Variants in ZNF93 observed in about 807,000 individuals in gnomAD.
ZNF93 encodes the protein zinc finger protein 505.
A neutral mutation model predicts 45.0 loss-of-function variants in ZNF93; 29 were observed. The ratio of observed to expected loss-of-function variants is 0.64; its 90% CI spans 0.48 to 0.88. The LOEUF is 0.88. Among genes scored for constraint, ZNF93 ranks in the 40% least tolerant of loss-of-function variants. ZNF93 has a pLI of 0.00. For missense variants in ZNF93, 578 were observed against 724.0 expected (o/e 0.80, Z 2.31); for synonymous variants, 223 against 244.6 (o/e 0.91, Z 0.82).
At position 19,911,196 on chromosome 19, in the gene ZNF93, A is replaced by G. The variant is rs2063306788; in HGVS notation, c.4-4084A>G. Among the ~76,000 whole-genome samples the G allele has an allele frequency of 2.0e-5, 3 of 152,210 alleles. No individual in the cohort carries two copies. In the South Asian group the frequency reaches 6.2e-4, roughly 32 times the overall value. On this transcript the variant is annotated intron_variant, in intron 1 of 3. Transcript: ENST00000343769. ...CCAGGTTCTGGAGCTCCACCAGGGC[A>G]GTTCCATTTTCTATTCAGAGTTAGC... is the stretch of plus-strand genomic sequence containing the variant.
rs59583833 is a variant in ZNF93, at chr19:19,904,162, G to GT, written c.3+3072dup. Among the ~76,000 whole-genome samples, 1,049 of 149,218 alleles carry GT rather than the reference G, an allele frequency of 7.0e-3. 13 individuals carry two copies. The highest frequency in any genetic ancestry group is 0.025 in the African/African-American group (989 of 40,072). ...AAATAGGAGAAAATGTGCAGAGTGT[G>GT]TGTCTGGCTGTGTGATAGGTAAGAA... On this transcript the variant is annotated intron_variant, in intron 1 of 3. Transcript: ENST00000343769.
chr19:19,901,019 C>G lies in ZNF93; in HGVS notation c.-70C>G. On this transcript the variant is annotated 5_prime_UTR_variant, in exon 1 of 4. Transcript: ENST00000343769. ...TCCTGTGCTCCTACAGGCCCAGCCT[C>G]TGTGGCCCTGTGACCTGCAGGTATT... 3 of 1,599,666 alleles carry G rather than the reference C, an allele frequency of 1.9e-6. No individual in the cohort carries two copies. The highest frequency in any genetic ancestry group is 1.7e-6 in the Non-Finnish European group (2 of 1,167,482).
intron 3 of ZNF93, among the ~76,000 whole-genome samples, chr19:19,925,020 A>G (rs529051092): frequency 6.6e-6 from 1 of 152,350 alleles, no homozygotes; most frequent in South Asian, 2.1e-4. Context: ...ACATGGCTGT[A>G]CATGGATGCC....
At chr19:19,905,549 T>A (rs2063290395) in intron 1 of ZNF93, among the ~76,000 whole-genome samples, 2 of 152,186 alleles carry the variant, frequency 1.3e-5, no homozygotes, top group Admixed American at 6.5e-5. Flanking sequence ...GATTTTTTTT[T>A]AAATGGCCAC....
At chr19:19,928,486 T>C (rs1017087581) in intron 3 of ZNF93, among the ~76,000 whole-genome samples, 2 of 152,116 alleles carry the variant, frequency 1.3e-5, no homozygotes, top group African/African-American at 4.8e-5. Context: ...ATTCAGGTTT[T>C]ATTAGAAAAC....
At chr19:19,912,302 C>T (rs2063311040) in intron 1 of ZNF93, among the ~76,000 whole-genome samples, 1 of 152,140 alleles carries the variant, frequency 6.6e-6, no homozygotes, top group South Asian at 2.1e-4. Context: ...GGTTCTCACC[C>T]TGCCCCAGAC....
intron 3 of ZNF93, among the ~76,000 whole-genome samples, chr19:19,930,634 GCT>G (rs2063370973): frequency 6.7e-6 from 1 of 149,500 alleles, no homozygotes; most frequent in African/African-American, 2.5e-5. Context: ...ATAACAGAAG[GCT>G]CTCACTCTTG....
chr19:19,909,298 A>G (rs1047163329), intron 1 of ZNF93: 1 of 152,274 alleles, frequency 6.6e-6, no homozygotes, highest in Non-Finnish European at 1.5e-5. Flanking sequence ...GCTGTAGCCC[A>G]GTGCCAGGGA....
At chr19:19,915,788 G>A (rs994648707) in intron 2 of ZNF93, among the ~76,000 whole-genome samples, 5 of 152,144 alleles carry the variant, frequency 3.3e-5, no homozygotes, top group Non-Finnish European at 5.9e-5. Context: ...GTTGCAATGA[G>A]CCGAGATCGT....
At chr19:19,909,177 GTGGCAAA>G (rs1358687668) in intron 1 of ZNF93, 2 of 152,258 alleles carry the variant, frequency 1.3e-5, no homozygotes, top group African/African-American at 4.8e-5. Context: ...GAGTGCTGCT[GTGGCAAA>G]TGGGGTTCAC....
chr19:19,906,461 A>G (rs1396458839), intron 1 of ZNF93, among the ~76,000 whole-genome samples: 1 of 152,022 alleles, frequency 6.6e-6, no homozygotes, highest in Non-Finnish European at 1.5e-5. Context: ...AAAGTTTGCA[A>G]ATGTTTTCCT....
intron 1 of ZNF93, among the ~76,000 whole-genome samples, chr19:19,910,479 A>G (rs1011591901): frequency 4.6e-5 from 7 of 152,136 alleles, no homozygotes; most frequent in East Asian, 1.9e-4. Flanking sequence ...ATTTCTGACA[A>G]TCAACTTTGT....
At position 19,934,056 on chromosome 19, in the gene ZNF93, A is replaced by G. The variant is rs374421539; in HGVS notation, c.1101A>G (p.Lys367=). The G allele has an allele frequency of 1.5e-5, 24 of 1,613,064 alleles. No individual in the cohort carries two copies. Among genetic ancestry groups the G allele is most frequent in the Non-Finnish European group, 1.9e-5 (23 of 1,179,588 alleles). The change falls in exon 4 of 4, where the codon AAA becomes AAG. Residue 367 remains lysine, a synonymous_variant. Transcript: ENST00000343769. ...SRHEFIHMGK[K]HYKCEECGKA... The stretch of plus-strand genomic sequence containing the variant: ...ATGAGTTCATTCATATGGGAAAGAA[A>G]CATTACAAATGTGAAGAATGTGGCA...
intron 1 of ZNF93, among the ~76,000 whole-genome samples, chr19:19,903,035 G>A (rs1360509374): frequency 6.6e-6 from 1 of 152,124 alleles, no homozygotes; most frequent in Non-Finnish European, 1.5e-5. Context: ...CACCGCGCCC[G>A]GCCTTTGGGA....
In ZNF93 at chr19:19,918,074, G is replaced by A. The variant is rs542399193; in HGVS notation, c.226+1419G>A. On this transcript the variant is annotated intron_variant, in intron 3 of 3. Transcript: ENST00000343769. ...CATTAAGTCGTCATTTACATTAGGTGTATCTCCTAATGCTATCCCTCCCCC... is the reference window on the plus strand; with the variant it reads ...CATTAAGTCGTCATTTACATTAGGTATATCTCCTAATGCTATCCCTCCCCC... 3.8e-4 allele frequency among the ~76,000 whole-genome samples: 58 copies of A among 151,892 alleles called. 1 individual carries two copies. In the South Asian group the frequency reaches 0.01, roughly 27 times the overall value.
rs1568515142 is a variant in ZNF93 at position 19,934,644 on chromosome 19, A to G, written c.1689A>G (p.Lys563=). ...ATAAGATACTTCATACTGGAGAGAAACCTTATAGATGTAGAGAATGTGGCA... is the reference window on the plus strand; with the variant it reads ...ATAAGATACTTCATACTGGAGAGAAGCCTTATAGATGTAGAGAATGTGGCA... The part of the protein sequence containing the change: ...TTHKILHTGE[K]PYRCRECGKA... The change falls in exon 4 of 4, where the codon AAA becomes AAG. Residue 563 remains lysine (K), a synonymous_variant. Coordinates refer to ENST00000343769, the MANE Select transcript of ZNF93 (RefSeq NM_031218.4). 1.2e-6 allele frequency: 2 copies of G among 1,613,760 alleles called. No homozygotes were observed. The highest frequency in any genetic ancestry group is 8.5e-7 in the Non-Finnish European group (1 of 1,179,876).
Position 19,933,351 on chromosome 19 carries a change from A to G in ZNF93, c.396A>G (p.Gly132=). 6.2e-7 allele frequency: 1 copy of G among 1,609,992 alleles called. No individual in the cohort carries two copies. The highest frequency in any genetic ancestry group is 1.7e-5 in the Admixed American group (1 of 59,314). ...ECKVHTGGYN[G]LNQCSTTTQS... The stretch of plus-strand genomic sequence containing the variant: ...AGGTGCACACAGGAGGTTATAATGG[A>G]CTTAACCAGTGTAGTACAACTACCC... Residue 132 remains glycine (G), a synonymous_variant, in exon 4 of 4, where the codon GGA becomes GGG. Coordinates refer to ENST00000343769, the MANE Select transcript of ZNF93 (RefSeq NM_031218.4).
intron 3 of ZNF93, among the ~76,000 whole-genome samples, chr19:19,920,295 T>A (rs1382780461): frequency 2.0e-5 from 3 of 152,238 alleles, no homozygotes; most frequent in Non-Finnish European, 4.4e-5. Flanking sequence ...ATCCCAGGGA[T>A]GAAGCCCACT....
intron 3 of ZNF93, among the ~76,000 whole-genome samples, chr19:19,928,205 C>G (rs1003840251): frequency 2.0e-5 from 3 of 152,156 alleles, no homozygotes; most frequent in African/African-American, 7.2e-5. Context: ...TTATTTTTCT[C>G]TATTTTGTAA....
Sources: gnomAD v4.1 joint callset for allele counts (sites outside exome capture counted in the v4.1 genomes callset) on GRCh38, gnomAD v4.1.1 for gene constraint, MANE v1.5 for transcripts, NCBI Gene and HGNC (gene_info 2026-07-23, HGNC 2026-07-21) for gene names.